The following ELP2 variants were observed in gnomAD, a reference collection of about 807,000 sequenced individuals.
The protein encoded by ELP2 is elongator complex protein 2.
Under a neutral mutation model 119.2 loss-of-function variants are expected in ELP2, and 90 were observed. The observed-to-expected ratio is 0.75, with a 90% CI of 0.64 to 0.90. The LOEUF is 0.90. Ranked by LOEUF, ELP2 falls within the 40% of genes least tolerant of loss-of-function variation. The probability of loss-of-function intolerance (pLI) is 0.00; values close to 1 mark genes in which losing one functional copy is unlikely to be tolerated. For synonymous variants in ELP2, 339 were observed against 331.0 expected (o/e 1.02, Z -0.26); for missense variants, 921 against 967.8 (o/e 0.95, Z 0.64).
Position 36,167,226 on chromosome 18 carries a change from A to G in ELP2, c.2076+4A>G. On this transcript the variant is annotated splice_donor_region_variant and intron_variant, in intron 19 of 21. Coordinates refer to ENST00000358232, the MANE Select transcript of ELP2 (RefSeq NM_018255.4). ...CACTGGGAGTCGAGACAAAAAGGTA[A>G]TTATTTAAAAATTTAATATTTTTTC... 6.4e-7 allele frequency: 1 copy of G among 1,574,568 alleles called. No homozygotes were observed. The highest frequency in any genetic ancestry group is 1.4e-5 in the African/African-American group (1 of 74,040).
chr18:36,165,551 A>T (rs951647069), intron 18 of ELP2, among the ~76,000 whole-genome samples: 1 of 152,198 alleles, frequency 6.6e-6, no homozygotes, highest in African/African-American at 2.4e-5. Context: ...CTTTTGCATC[A>T]CTAATCTTTT....
chr18:36,156,369 A>T (rs1396260569), intron 12 of ELP2, 97 bp from the exon 13 acceptor site: 4 of 1,188,412 alleles, frequency 3.4e-6, no homozygotes, highest in Admixed American at 1.8e-5. Context: ...CCCCATGGTT[A>T]TATTTCCATT....
intron 18 of ELP2, chr18:36,166,831 G>A (rs983880847): frequency 1.2e-5 from 3 of 252,108 alleles, no homozygotes; most frequent in Admixed American, 1.1e-4. Flanking sequence ...GTAGGCGTGA[G>A]TTGAACTTCA....
chr18:36,173,755 G>T (rs1178446937), intron 21 of ELP2, among the ~76,000 whole-genome samples: 2 of 152,140 alleles, frequency 1.3e-5, no homozygotes, highest in Non-Finnish European at 2.9e-5. Flanking sequence ...AGTGTTTATT[G>T]CCCTAAAACC....
At chr18:36,138,140 C>A in intron 3 of ELP2, 130 bp from the exon 4 acceptor site, 1 of 846,918 alleles carries the variant, frequency 1.2e-6, no homozygotes, top group East Asian at 2.7e-5. Flanking sequence ...AGACAGACTT[C>A]TTGAAAAATT....
chr18:36,159,636 T>C, intron 14 of ELP2, 99 bp from the exon 15 acceptor site: 3 of 896,046 alleles, frequency 3.3e-6, no homozygotes, highest in Non-Finnish European at 3.7e-6. Flanking sequence ...TGCACCACTT[T>C]GAATTACCAC....
rs771630217 is a variant in ELP2, at chr18:36,142,960, A to G, written c.790A>G (p.Asn264Asp). The G allele has an allele frequency of 2.0e-5, 31 of 1,585,812 alleles. No homozygotes were observed. The highest frequency in any genetic ancestry group is 2.6e-5 in the Non-Finnish European group (30 of 1,159,242). Residue 264 changes from asparagine to aspartate, a missense_variant, in exon 8 of 22, where the codon AAT becomes GAT. Coordinates refer to ENST00000358232, the MANE Select transcript of ELP2 (RefSeq NM_018255.4). ...RLKENTFTIE[N>D]ESVKIAFAVT... Reference sequence around the variant, plus strand: ...GAAAGAAAATACTTTTACCATAGAAAATGAAAGTGAGTAATAATGAAAATA... The same window carrying G: ...GAAAGAAAATACTTTTACCATAGAAGATGAAAGTGAGTAATAATGAAAATA...
Position 36,176,361 on chromosome 18 carries a change from A to T in ELP2, c.*1720A>T, listed in dbSNP as rs752481825. The T allele has an allele frequency of 6.6e-6, 1 of 152,290 alleles. No homozygotes were observed. Among genetic ancestry groups the T allele is most frequent in the Admixed American group, 6.5e-5 (1 of 15,288 alleles). 9.4% of individuals were successfully genotyped at this position (152,290 alleles called of 1,614,324 possible). ...CCTCAAAGACCAAAATGCCCTGCCCATTTTCCTGCTTATCAGCTGAGGAAT... is the reference window on the plus strand; with the variant it reads ...CCTCAAAGACCAAAATGCCCTGCCCTTTTTCCTGCTTATCAGCTGAGGAAT... On this transcript the variant is annotated 3_prime_UTR_variant, in exon 22 of 22. Transcript: ENST00000358232.
In ELP2 at chr18:36,145,081, T is replaced by C. The variant is rs776364094; in HGVS notation, c.892+47T>C. The C allele has an allele frequency of 5.6e-6, 8 of 1,427,792 alleles. No individual in the cohort carries two copies. The East Asian group carries it at 9.1e-5, about 16-fold the overall frequency. The allele number at this position is 1,427,792 out of a possible 1,614,324, so 88.4% of individuals were successfully genotyped here. On this transcript the variant is annotated intron_variant, in intron 9 of 21. Coordinates refer to ENST00000358232, the MANE Select transcript of ELP2 (RefSeq NM_018255.4). ...TATCCCTTACTCCAGTTAAATCTTATGGCACAGTAAGCTGACCAAATCAAG... is the reference window on the plus strand; with the variant it reads ...TATCCCTTACTCCAGTTAAATCTTACGGCACAGTAAGCTGACCAAATCAAG...
At chr18:36,138,703 C>A in intron 4 of ELP2, 92 bp from the exon 5 acceptor site, 1 of 1,100,200 alleles carries the variant, frequency 9.1e-7, no homozygotes, top group Non-Finnish European at 1.4e-6. Context: ...CTCCCTTCTG[C>A]TACCTGGGGC....
chr18:36,151,869 G>A (rs771908445), intron 11 of ELP2, among the ~76,000 whole-genome samples: 9 of 149,052 alleles, frequency 6.0e-5, no homozygotes, highest in Non-Finnish European at 1.0e-4. Flanking sequence ...TGTCTCAGCC[G>A]CCTGAGTAGC....
At chr18:36,144,905 T>G in intron 8 of ELP2, 34 bp from the exon 9 acceptor site, 4 of 1,531,536 alleles carry the variant, frequency 2.6e-6, no homozygotes, top group Non-Finnish European at 2.7e-6. Context: ...AGAAGAGCTT[T>G]GAGGAAATAA....
At chr18:36,145,702 A>G (rs2090174990) in intron 9 of ELP2, among the ~76,000 whole-genome samples, 1 of 152,254 alleles carries the variant, frequency 6.6e-6, no homozygotes, top group Admixed American at 6.5e-5. Context: ...AGCTGTATCC[A>G]CATTGATTTG....
Position 36,179,943 on chromosome 18 carries a change from T to C in ELP2, c.*5302T>C, listed in dbSNP as rs2091300011. The stretch of plus-strand genomic sequence containing the variant: ...CTCATCTCTAAAAGTGGAGATGAGA[T>C]TAGTGTATGAGTCTGGCTTCCATTC... On this transcript the variant is annotated 3_prime_UTR_variant, in exon 22 of 22. Transcript: ENST00000358232. The C allele has an allele frequency of 6.6e-6, 1 of 152,114 alleles. No individual in the cohort carries two copies. Among genetic ancestry groups the C allele is most frequent in the African/African-American group, 2.4e-5 (1 of 41,410 alleles). The allele number at this position is 152,114 out of a possible 1,614,324, so 9.4% of individuals were successfully genotyped here.
At chr18:36,136,683 C>T (rs1008196330) in intron 3 of ELP2, 26 of 313,240 alleles carry the variant, frequency 8.3e-5, no homozygotes, top group Non-Finnish European at 1.6e-4. Flanking sequence ...TGAAGTTAAT[C>T]TTGCTCATCA....
chr18:36,170,884 TGAG>T (rs2091059262), intron 20 of ELP2, 160 bp from the exon 21 acceptor site: 6 of 668,634 alleles, frequency 9.0e-6, no homozygotes, highest in Non-Finnish European at 5.5e-6. Context: ...GGAGGCTCCT[TGAG>T]GACACAGGAG....
chr18:36,141,420 C>A (rs764668682), intron 6 of ELP2: 3 of 553,194 alleles, frequency 5.4e-6, no homozygotes, highest in Non-Finnish European at 9.8e-6. Context: ...TAGGGGGAAA[C>A]AGGTCATTAG....
In ELP2 at chr18:36,141,218, T is replaced by C; in HGVS notation, c.588+17T>C. ...AATGATCAGGTAATAATGTTTATAT[T>C]AAGAGGCTGGAATTATATTCTGCTT... On this transcript the variant is annotated intron_variant, in intron 6 of 21. Coordinates refer to ENST00000358232, the MANE Select transcript of ELP2 (RefSeq NM_018255.4). 1 of 1,584,242 alleles carries C rather than the reference T, an allele frequency of 6.3e-7. No homozygotes were observed. Among genetic ancestry groups the C allele is most frequent in the Non-Finnish European group, 8.7e-7 (1 of 1,152,958 alleles).
intron 21 of ELP2, among the ~76,000 whole-genome samples, chr18:36,173,376 C>CT (rs2091139801): frequency 6.6e-6 from 1 of 152,184 alleles, no homozygotes; most frequent in Non-Finnish European, 1.5e-5. Flanking sequence ...ATCATTTCCT[C>CT]TTTTTAAAGC....
Sources: allele counts gnomAD v4.1 joint callset (sites outside exome capture counted in the v4.1 genomes callset), GRCh38; gene constraint gnomAD v4.1.1; transcripts MANE v1.5; gene names NCBI Gene and HGNC (gene_info 2026-07-23, HGNC 2026-07-21).